GRK2: variants seen among roughly 807,000 people sequenced by gnomAD.
GRK2 encodes adrenergic beta receptor kinase 1.
Under a neutral mutation model 97.8 loss-of-function variants are expected in GRK2, and 23 were observed. The ratio of observed to expected loss-of-function variants is 0.24; its 90% CI spans 0.17 to 0.33. The LOEUF is 0.33. Among genes scored for constraint, GRK2 ranks in the 10% least tolerant of loss-of-function variants. GRK2 has a pLI of 1.00. For synonymous variants in GRK2, 425 were observed against 381.7 expected (o/e 1.11, Z -1.32); for missense variants, 633 against 956.9 (o/e 0.66, Z 4.47).
chr11:67,268,223 G>A (rs1355365330), intron 1 of GRK2, among the ~76,000 whole-genome samples: 8 of 152,188 alleles, frequency 5.3e-5, no homozygotes, highest in Admixed American at 4.6e-4. Context: ...TCTGGCTGAC[G>A]CTGCAGGGGT....
intron 2 of GRK2, among the ~76,000 whole-genome samples, chr11:67,278,686 C>T (rs568440866): frequency 6.6e-6 from 1 of 152,212 alleles, no homozygotes; most frequent in East Asian, 1.9e-4. Flanking sequence ...GGGGCAGGGT[C>T]CAGAGGAGTG....
rs1215894141 is a variant in GRK2, at chr11:67,283,110, TC to T, written c.1228-15del. On this transcript the variant is annotated splice_polypyrimidine_tract_variant and intron_variant, in intron 14 of 20. Transcript: ENST00000308595. The stretch of plus-strand genomic sequence containing the variant: ...GGCTCTTCCTAAGCCCCTGCTAATG[TC>T]CCACTCCTCTCTAAAGGCCGTGGAG... 1.9e-6 allele frequency: 3 copies of T among 1,611,724 alleles called. No homozygotes were observed. Among genetic ancestry groups the T allele is most frequent in the Non-Finnish European group, 2.5e-6 (3 of 1,178,170 alleles).
intron 7 of GRK2, 55 bp downstream of exon 7, chr11:67,280,838 G>A (rs1860132892): frequency 8.2e-6 from 13 of 1,587,936 alleles, no homozygotes; most frequent in South Asian, 1.1e-5. Flanking sequence ...CTCCTCTCCC[G>A]GGAGCTGGGC....
At position 67,266,792 on chromosome 11, in the gene GRK2, G is replaced by A; in HGVS notation, c.93G>A (p.Lys31=). The A allele has an allele frequency of 2.2e-6, 3 of 1,355,984 alleles. No individual in the cohort carries two copies. Among genetic ancestry groups the A allele is most frequent in the Non-Finnish European group, 1.9e-6 (2 of 1,041,074 alleles). The allele number at this position is 1,355,984 out of a possible 1,614,324, so 84.0% of individuals were successfully genotyped here. A position where few individuals can be genotyped will look rare whatever the true frequency, so the allele number is the denominator to read the frequency against. The part of the protein sequence containing the change: ...KATPAARASK[K]ILLPEPSIRS... Reference sequence around the variant, plus strand: ...CGCCGGCCGCGCGCGCCAGCAAGAAGATCCTGCTGCCCGAGCCCAGGTGAG... The same window carrying A: ...CGCCGGCCGCGCGCGCCAGCAAGAAAATCCTGCTGCCCGAGCCCAGGTGAG... The change falls in exon 1 of 21, where the codon AAG becomes AAA. Residue 31 remains lysine (K), a synonymous_variant. Coordinates refer to ENST00000308595, the MANE Select transcript of GRK2 (RefSeq NM_001619.5).
rs1231268893 is a variant in GRK2, at chr11:67,269,187, G to GC, written c.113+2381dup. 3.2e-5 allele frequency among the ~76,000 whole-genome samples: 4 copies of GC among 125,170 alleles called. No individual in the cohort carries two copies. Among genetic ancestry groups the GC allele is most frequent in the Non-Finnish European group, 5.1e-5 (3 of 59,280 alleles). 82.1% of individuals were successfully genotyped at this position (125,170 alleles called of 152,430 possible). A position where few individuals can be genotyped will look rare whatever the true frequency, so the allele number is the denominator to read the frequency against. ...AGTGGGGCAGAGCACGCCGCCCCCCGCCCCCCGCCGCCCCAGTGGTGATCC... is the reference window on the plus strand; with the variant it reads ...AGTGGGGCAGAGCACGCCGCCCCCCGCCCCCCCGCCGCCCCAGTGGTGATCC... On this transcript the variant is annotated intron_variant, in intron 1 of 20. Transcript: ENST00000308595. The surrounding 1 kb of genome is among the most constrained non-coding windows in gnomAD (Gnocchi z 4.1).
Position 67,281,819 on chromosome 11 carries a change from C to T in GRK2, c.827-3C>T. ...GTGCTGCCTGTGGGACTGCCTCCCT[C>T]AGGTGGGGACCTGCACTACCACCTC... On this transcript the variant is annotated splice_region_variant and splice_polypyrimidine_tract_variant and intron_variant, in intron 10 of 20. Coordinates refer to ENST00000308595, the MANE Select transcript of GRK2 (RefSeq NM_001619.5). The surrounding 1 kb of genome is among the most constrained non-coding windows in gnomAD (Gnocchi z 5.7). The T allele has an allele frequency of 6.2e-7, 1 of 1,613,730 alleles. No homozygotes were observed. The highest frequency in any genetic ancestry group is 8.5e-7 in the Non-Finnish European group (1 of 1,179,994).
Position 67,281,854 on chromosome 11 carries a change from G to A in GRK2, c.859G>A (p.Gly287Arg). The change falls in exon 11 of 21, where the codon GGG (glycine) becomes AGG (arginine). Residue 287 changes from glycine to arginine, a missense_variant. Gly to Arg is a moderately radical substitution (Grantham distance 125, BLOSUM62 -2). Around this residue, in one of 4 missense-constraint regions of GRK2, gnomAD observed 192 missense variants for 362.3 expected, o/e 0.53. Coordinates refer to ENST00000308595, the MANE Select transcript of GRK2 (RefSeq NM_001619.5). The surrounding 1 kb of genome is among the most constrained non-coding windows in gnomAD (Gnocchi z 5.7). ...CCTGCACTACCACCTCTCCCAGCAC[G>A]GGGTCTTCTCAGAGGCTGACATGCG... Reference protein sequence around the residue: ...GDLHYHLSQHGVFSEADMRFY... With the variant: ...GDLHYHLSQHRVFSEADMRFY... 2 of 1,613,720 alleles carry A rather than the reference G, an allele frequency of 1.2e-6. No homozygotes were observed. The highest frequency in any genetic ancestry group is 1.7e-6 in the Non-Finnish European group (2 of 1,180,006).
chr11:67,286,093 G>A lies in GRK2; in HGVS notation c.*643G>A. ...AGCAGGTGCTGCTACCCTCCCTGCTGTCCCCTCTTGCCCCAACCCCCAGCA... is the reference window on the plus strand; with the variant it reads ...AGCAGGTGCTGCTACCCTCCCTGCTATCCCCTCTTGCCCCAACCCCCAGCA... On this transcript the variant is annotated 3_prime_UTR_variant, in exon 21 of 21. Coordinates refer to ENST00000308595, the MANE Select transcript of GRK2 (RefSeq NM_001619.5). The A allele has an allele frequency of 5.1e-6, 2 of 390,340 alleles. No individual in the cohort carries two copies. The highest frequency in any genetic ancestry group is 9.3e-6 in the Non-Finnish European group (2 of 215,660). 24.2% of individuals were successfully genotyped at this position (390,340 alleles called of 1,614,324 possible). A position where few individuals can be genotyped will look rare whatever the true frequency, so the allele number is the denominator to read the frequency against.
Position 67,269,047 on chromosome 11 carries a change from G to A in GRK2, c.113+2235G>A, listed in dbSNP as rs1046648717. ...GAAACGGACTGGAGGTGCGAGCGCC[G>A]AATGTCAGTGCGCTAAGGCCTGGGA... On this transcript the variant is annotated intron_variant, in intron 1 of 20. Coordinates refer to ENST00000308595, the MANE Select transcript of GRK2 (RefSeq NM_001619.5). This position sits in a 1 kb window ranked among gnomAD's most constrained non-coding sequence, Gnocchi z 4.1. 6.6e-5 allele frequency among the ~76,000 whole-genome samples: 10 copies of A among 152,208 alleles called. No individual in the cohort carries two copies. The highest frequency in any genetic ancestry group is 4.4e-5 in the Non-Finnish European group (3 of 68,038).
rs1273874309 is a variant in GRK2, at chr11:67,285,515, G to A, written c.*65G>A. The stretch of plus-strand genomic sequence containing the variant: ...TCGAATTTTTATTATTTGTTTTCCC[G>A]CCAAGCGGAAAAGGTTTTATTTTGT... On this transcript the variant is annotated 3_prime_UTR_variant, in exon 21 of 21. Transcript: ENST00000308595. The A allele has an allele frequency of 1.2e-5, 17 of 1,455,082 alleles. No homozygotes were observed. The highest frequency in any genetic ancestry group is 2.8e-5 in the South Asian group (2 of 70,640). 90.1% of individuals were successfully genotyped at this position (1,455,082 alleles called of 1,614,324 possible).
rs770399608 is a variant in GRK2, at chr11:67,284,869, C to T, written c.1677C>T (p.Cys559=). 27 of 1,613,224 alleles carry T rather than the reference C, an allele frequency of 1.7e-5. No homozygotes were observed. The South Asian group carries it at 2.6e-4, about 16-fold the overall frequency. The change falls in exon 19 of 21, where the codon TGC becomes TGT. Residue 559 remains cysteine, a synonymous_variant. Coordinates refer to ENST00000308595, the MANE Select transcript of GRK2 (RefSeq NM_001619.5). The stretch of plus-strand genomic sequence containing the variant: ...CAGACTACGCCCTGGGCAAGGACTG[C>T]ATCATGCATGGCTACATGTCCAAGA... The part of the protein sequence containing the change: ...HEEDYALGKD[C]IMHGYMSKMG...
chr11:67,277,266 C>A lies in GRK2; in HGVS notation c.114-6C>A. 6.2e-7 allele frequency: 1 copy of A among 1,613,472 alleles called. No individual in the cohort carries two copies. Among genetic ancestry groups the A allele is most frequent in the Non-Finnish European group, 8.5e-7 (1 of 1,179,906 alleles). On this transcript the variant is annotated splice_region_variant and splice_polypyrimidine_tract_variant and intron_variant, in intron 1 of 20. Transcript: ENST00000308595. Reference sequence around the variant, plus strand: ...CTTCTGCTTACTGCGCCCCCCTGACCCACAGCATCCGCAGTGTCATGCAGA... The same window carrying A: ...CTTCTGCTTACTGCGCCCCCCTGACACACAGCATCCGCAGTGTCATGCAGA...
At chr11:67,272,712 A>G (rs1859936249) in intron 1 of GRK2, among the ~76,000 whole-genome samples, 2 of 152,226 alleles carry the variant, frequency 1.3e-5, no homozygotes, top group African/African-American at 4.8e-5. Context: ...CTGGGTGGGC[A>G]CCAAGTACCT....
chr11:67,283,152 TC>T lies in GRK2; in HGVS notation c.1256del (p.Pro419LeufsTer29). 6.2e-7 allele frequency: 1 copy of T among 1,613,956 alleles called. No homozygotes were observed. Among genetic ancestry groups the T allele is most frequent in the Non-Finnish European group, 8.5e-7 (1 of 1,179,966 alleles). On this transcript the variant is annotated frameshift_variant, in exon 15 of 21. Coordinates refer to ENST00000308595, the MANE Select transcript of GRK2 (RefSeq NM_001619.5). LOFTEE classifies it high-confidence loss of function. The stretch of plus-strand genomic sequence containing the variant: ...GGCCGTGGAGCTGCCCGACTCCTTC[TC>T]CCCTGAACTACGCTCCCTGCTGGAG... ...TMAVELPDSFSPELRSLLEGL... is the reference protein window; with the variant it reads ...TMAVELPDSFXPELRSLLEGL...
In GRK2 at chr11:67,280,734, A is replaced by G; in HGVS notation, c.506A>G (p.Asp169Gly). Residue 169 changes from aspartate (D) to glycine (G), a missense_variant and splice_region_variant, in exon 7 of 21, where the codon GAT (aspartate) becomes GGT (glycine). Asp to Gly is a moderately conservative substitution (Grantham distance 94). Coordinates refer to ENST00000308595, the MANE Select transcript of GRK2 (RefSeq NM_001619.5). ...GAGCCCTGATTCTTCTTTTCCAGCGATAAGTTCACACGGTTTTGCCAGTGG... is the reference window on the plus strand; with the variant it reads ...GAGCCCTGATTCTTCTTTTCCAGCGGTAAGTTCACACGGTTTTGCCAGTGG... ...GDVFQKFIESDKFTRFCQWKN... is the reference protein window; with the variant it reads ...GDVFQKFIESGKFTRFCQWKN... 6.2e-7 allele frequency: 1 copy of G among 1,614,074 alleles called. No individual in the cohort carries two copies. The highest frequency in any genetic ancestry group is 8.5e-7 in the Non-Finnish European group (1 of 1,179,988).
chr11:67,272,192 G>A (rs571070637), intron 1 of GRK2, among the ~76,000 whole-genome samples: 2 of 152,220 alleles, frequency 1.3e-5, no homozygotes, highest in Admixed American at 6.5e-5. Context: ...GGTCAGGGAC[G>A]GGAGGGCAGC....
intron 1 of GRK2, among the ~76,000 whole-genome samples, chr11:67,270,559 T>C (rs1396815357): frequency 6.6e-6 from 1 of 152,184 alleles, no homozygotes; most frequent in Non-Finnish European, 1.5e-5. Context: ...CCCTCCCTCC[T>C]TCCTTCACTC....
rs369783949 is a variant in GRK2, at chr11:67,281,623, G to A, written c.748-27G>A. On this transcript the variant is annotated intron_variant, in intron 9 of 20. Transcript: ENST00000308595. This position sits in a 1 kb window ranked among gnomAD's most constrained non-coding sequence, Gnocchi z 5.7. ...CCCCGGGCGCCCCTGCTAACTGCCC[G>A]CCCCCTCCCCTCCTCTCCCCTCCTA... 3.2e-5 allele frequency: 42 copies of A among 1,304,000 alleles called. No individual in the cohort carries two copies. Among genetic ancestry groups the A allele is most frequent in the Middle Eastern group, 1.9e-4 (1 of 5,332 alleles). 80.8% of individuals were successfully genotyped at this position (1,304,000 alleles called of 1,614,324 possible).
Position 67,285,638 on chromosome 11 carries a change from C to T in GRK2, c.*188C>T, listed in dbSNP as rs564354651. 728 of 703,428 alleles carry T rather than the reference C, an allele frequency of 1.0e-3. 11 individuals carry two copies. The South Asian group carries it at 0.011, about 11-fold the overall frequency. The allele number at this position is 703,428 out of a possible 1,614,324, so 43.6% of individuals were successfully genotyped here. ...CTGCACCAACCCAGCCGCTGCCCGG[C>T]GCCCTCTGTCCTGACTTCAGGGGCT... is the stretch of plus-strand genomic sequence containing the variant. On this transcript the variant is annotated 3_prime_UTR_variant, in exon 21 of 21. Coordinates refer to ENST00000308595, the MANE Select transcript of GRK2 (RefSeq NM_001619.5).
Sources: gnomAD v4.1 joint callset for allele counts (sites outside exome capture counted in the v4.1 genomes callset) on GRCh38, gnomAD v4.1.1 for gene constraint, gnomAD v4.1.1 regional missense constraint, Gnocchi (gnomAD v3.1) non-coding constraint, MANE v1.5 for transcripts, NCBI Gene and HGNC (gene_info 2026-07-23, HGNC 2026-07-21) for gene names.